PLAGL1: variants seen among roughly 807,000 people sequenced by gnomAD.
The protein encoded by PLAGL1 is zinc finger protein PLAGL1.
Under a neutral mutation model 4.6 loss-of-function variants are expected in PLAGL1, and 1 was observed. The ratio of observed to expected loss-of-function variants is 0.22; its 90% CI spans 0.08 to 1.03. The LOEUF is 1.03. PLAGL1 is among the 50% of genes least tolerant of loss of function. PLAGL1 has a pLI of 0.58. For missense variants in PLAGL1, 464 were observed against 570.4 expected (o/e 0.81, Z 1.90); for synonymous variants, 240 against 237.8 (o/e 1.01, Z -0.08).
rs910531889 is a variant in PLAGL1, at chr6:143,989,704, C to A, written c.-583-4530G>T. ...TTGTAATCAATCTCTCTTTCTCTCT[C>A]CATATATGTATCCATGGGTAAACAT... On this transcript the variant is annotated intron_variant, in intron 1 of 7. Coordinates refer to ENST00000674357, the MANE Select transcript of PLAGL1 (RefSeq NM_001317162.2). This position sits in a 1 kb window ranked among gnomAD's most constrained non-coding sequence, Gnocchi z 4.8. 2.0e-5 allele frequency among the ~76,000 whole-genome samples: 3 copies of A among 152,210 alleles called. No individual in the cohort carries two copies. The highest frequency in any genetic ancestry group is 4.4e-5 in the Non-Finnish European group (3 of 68,042).
At position 143,977,152 on chromosome 6, in the gene PLAGL1, A is replaced by T. The variant is rs114845409; in HGVS notation, c.-544+7983T>A. 3.9e-3 allele frequency among the ~76,000 whole-genome samples: 577 copies of T among 149,330 alleles called. 5 individuals carry two copies. The highest frequency in any genetic ancestry group is 0.014 in the African/African-American group (557 of 40,774). ...CCACTAGAGTGGTACATTTGTTACAACTGATAAACTTCCATTGACACATCA... is the reference window on the plus strand; with the variant it reads ...CCACTAGAGTGGTACATTTGTTACATCTGATAAACTTCCATTGACACATCA... On this transcript the variant is annotated intron_variant, in intron 2 of 7. Transcript: ENST00000674357.
upstream of PLAGL1, among the ~76,000 whole-genome samples, chr6:144,010,957 A>G (rs1393583487): frequency 6.6e-6 from 1 of 152,244 alleles, no homozygotes; most frequent in African/African-American, 2.4e-5. This position sits in a 1 kb window ranked among gnomAD's most constrained non-coding sequence, Gnocchi z 4.1. Context: ...AAATTAACTC[A>G]AGATGGACTA....
intron 1 of PLAGL1, among the ~76,000 whole-genome samples, chr6:144,018,780 T>C (rs1273966951): frequency 2.0e-5 from 3 of 152,226 alleles, no homozygotes; most frequent in African/African-American, 4.8e-5. Flanking sequence ...TAATGTGATA[T>C]ACTGATCAAG....
In PLAGL1 at chr6:144,056,616, C is replaced by A. The variant is rs1481577832; in HGVS notation, c.-151+7852G>T. Among the ~76,000 whole-genome samples, 1 of 152,126 alleles carries A rather than the reference C, an allele frequency of 6.6e-6. No individual in the cohort carries two copies. Among genetic ancestry groups the A allele is most frequent in the Non-Finnish European group, 1.5e-5 (1 of 68,030 alleles). ...TTGGCTTCTTTCACTTAGTAATATG[C>A]ATTTAAGATTCCTCCATGTCCTTTC... On this transcript the variant is annotated intron_variant, in intron 1 of 3. Transcript: ENST00000437412. This position sits in a 1 kb window ranked among gnomAD's most constrained non-coding sequence, Gnocchi z 4.7.
chr6:144,054,150 TAA>T (rs1798772524), intron 1 of PLAGL1, among the ~76,000 whole-genome samples: 1 of 152,046 alleles, frequency 6.6e-6, no homozygotes, highest in Admixed American at 6.6e-5. Flanking sequence ...TATGCTCACT[TAA>T]CAAACAATAC....
In PLAGL1 at chr6:143,954,241, A is replaced by G. The variant is rs1781647436; in HGVS notation, c.-324-5781T>C. Among the ~76,000 whole-genome samples the G allele has an allele frequency of 6.6e-6, 1 of 152,232 alleles. No homozygotes were observed. Among genetic ancestry groups the G allele is most frequent in the Non-Finnish European group, 1.5e-5 (1 of 68,042 alleles). ...ACAAATTAGTAGGCCAAGGATCACCAGAAATCAGAGGAAGGCACTTAATAG... is the reference window on the plus strand; with the variant it reads ...ACAAATTAGTAGGCCAAGGATCACCGGAAATCAGAGGAAGGCACTTAATAG... On this transcript the variant is annotated intron_variant, in intron 6 of 7. Transcript: ENST00000674357. The surrounding 1 kb of genome is among the most constrained non-coding windows in gnomAD (Gnocchi z 5.1).
In PLAGL1 at chr6:143,984,789, C is replaced by T. The variant is rs1467775387; in HGVS notation, c.-544+346G>A. ...CATAGACTATTTAAAAACAAAGATA[C>T]ATAAATATGTTTTGGAGGAAGACTA... is the stretch of plus-strand genomic sequence containing the variant. On this transcript the variant is annotated intron_variant, in intron 2 of 7. Coordinates refer to ENST00000674357, the MANE Select transcript of PLAGL1 (RefSeq NM_001317162.2). This position sits in a 1 kb window ranked among gnomAD's most constrained non-coding sequence, Gnocchi z 5.5. Among the ~76,000 whole-genome samples the T allele has an allele frequency of 6.6e-6, 1 of 152,118 alleles. No individual in the cohort carries two copies.
chr6:144,043,229 G>A (rs1053115834), intron 1 of PLAGL1, among the ~76,000 whole-genome samples: 5 of 152,222 alleles, frequency 3.3e-5, no homozygotes, highest in Admixed American at 1.3e-4. Context: ...GAAGTGGTGA[G>A]AGAGGGCATC....
intron 1 of PLAGL1, among the ~76,000 whole-genome samples, chr6:144,058,702 C>G (rs1423207668): frequency 1.3e-5 from 2 of 152,186 alleles, no homozygotes; most frequent in Non-Finnish European, 1.5e-5. Flanking sequence ...AATTTTCATG[C>G]AAGTCTGAAA....
intron 1 of PLAGL1, among the ~76,000 whole-genome samples, chr6:144,044,203 T>C (rs1355482464): frequency 1.3e-5 from 2 of 152,212 alleles, no homozygotes; most frequent in African/African-American, 4.8e-5. Flanking sequence ...TCTTAGTTAT[T>C]TCTTGCCTTC....
rs139224527 is a variant in PLAGL1, at chr6:144,004,031, A to G, written c.-584+4059T>C. On this transcript the variant is annotated intron_variant, in intron 1 of 7. Coordinates refer to ENST00000674357, the MANE Select transcript of PLAGL1 (RefSeq NM_001317162.2). The surrounding 1 kb of genome is among the most constrained non-coding windows in gnomAD (Gnocchi z 4.2). ...GAAAATGAATAAGTAAATTGCTCAT[A>G]TTATATATCCACATAATGTAATACC... Among the ~76,000 whole-genome samples the G allele has an allele frequency of 2.2e-3, 328 of 152,352 alleles. 2 individuals are homozygous for G. The highest frequency in any genetic ancestry group is 7.7e-3 in the African/African-American group (321 of 41,586).
intron 1 of PLAGL1, among the ~76,000 whole-genome samples, chr6:144,062,912 T>C (rs1186681694): frequency 1.3e-5 from 2 of 152,210 alleles, no homozygotes; most frequent in Non-Finnish European, 2.9e-5. Flanking sequence ...GGCTCTTAAT[T>C]TGCTTGCAGG....
rs964027308 is a variant in PLAGL1 at position 144,048,301 on chromosome 6, GAC to G, written c.-151+16165_-151+16166del. On this transcript the variant is annotated intron_variant, in intron 1 of 3. Transcript: ENST00000437412. This position sits in a 1 kb window ranked among gnomAD's most constrained non-coding sequence, Gnocchi z 4.8. ...GGATCTAGCATTCTGGGATCTGGAG[GAC>G]AGTGGCCCTCTTCTCACAGCTCCAT... Among the ~76,000 whole-genome samples, 9 of 152,198 alleles carry G rather than the reference GAC, an allele frequency of 5.9e-5. No individual in the cohort carries two copies. Among genetic ancestry groups the G allele is most frequent in the Non-Finnish European group, 2.9e-5 (2 of 68,028 alleles).
At position 144,053,989 on chromosome 6, in the gene PLAGL1, T is replaced by G. The variant is rs1053608237; in HGVS notation, c.-151+10479A>C. On this transcript the variant is annotated intron_variant, in intron 1 of 3. Transcript: ENST00000437412. The surrounding 1 kb of genome is among the most constrained non-coding windows in gnomAD (Gnocchi z 4.0). Reference sequence around the variant, plus strand: ...AAATCCATCAGGAAAGGGATATTCATTTCTCTATATGGTCTAACAAATGAT... The same window carrying G: ...AAATCCATCAGGAAAGGGATATTCAGTTCTCTATATGGTCTAACAAATGAT... Among the ~76,000 whole-genome samples the G allele has an allele frequency of 3.3e-5, 5 of 152,222 alleles. No homozygotes were observed. Among genetic ancestry groups the G allele is most frequent in the Non-Finnish European group, 7.3e-5 (5 of 68,032 alleles).
rs1347765365 is a variant in PLAGL1, at chr6:144,039,863, G to C, written c.-151+24605C>G. The stretch of plus-strand genomic sequence containing the variant: ...CTTTGTAGTAGCAAAAGGCCAAAAG[G>C]TCTATCAACAAGAAAATTAATACAT... On this transcript the variant is annotated intron_variant, in intron 1 of 3. Coordinates refer to the PLAGL1 transcript ENST00000437412. This position sits in a 1 kb window ranked among gnomAD's most constrained non-coding sequence, Gnocchi z 4.1. Among the ~76,000 whole-genome samples the C allele has an allele frequency of 1.3e-5, 2 of 152,174 alleles. No individual in the cohort carries two copies. The highest frequency in any genetic ancestry group is 1.9e-4 in the East Asian group (1 of 5,180).
rs186677017 is a variant in PLAGL1, at chr6:143,970,607, G to A, written c.-543-1629C>T. Among the ~76,000 whole-genome samples, 22 of 152,256 alleles carry A rather than the reference G, an allele frequency of 1.4e-4. No homozygotes were observed. The highest frequency in any genetic ancestry group is 1.3e-3 in the Admixed American group (20 of 15,284). On this transcript the variant is annotated intron_variant, in intron 2 of 7. Coordinates refer to ENST00000674357, the MANE Select transcript of PLAGL1 (RefSeq NM_001317162.2). This position sits in a 1 kb window ranked among gnomAD's most constrained non-coding sequence, Gnocchi z 5.8. ...GCTGCTTTATTTGGTCAGTCTGGGTGGACGGGAAACTGTCTAAGAGGGAAA... is the reference window on the plus strand; with the variant it reads ...GCTGCTTTATTTGGTCAGTCTGGGTAGACGGGAAACTGTCTAAGAGGGAAA...
intron 2 of PLAGL1, among the ~76,000 whole-genome samples, chr6:143,977,091 C>CT (rs1026749194): frequency 2.7e-5 from 4 of 148,886 alleles, no homozygotes; most frequent in Admixed American, 6.7e-5. Context: ...CTTCCCCCCC[C>CT]CCAACACACT....
At chr6:144,017,524 C>T (rs1795647686) in intron 1 of PLAGL1, among the ~76,000 whole-genome samples, 1 of 152,180 alleles carries the variant, frequency 6.6e-6, no homozygotes, top group Admixed American at 6.5e-5. Context: ...CTAAAATGTC[C>T]TACTTTACGT....
chr6:144,029,553 C>T (rs1458799024), intron 1 of PLAGL1, among the ~76,000 whole-genome samples: 1 of 152,248 alleles, frequency 6.6e-6, no homozygotes, highest in South Asian at 2.1e-4. Context: ...TTAAAAGATA[C>T]TCCTCATCAT....
Sources: allele counts gnomAD v4.1 joint callset (sites outside exome capture counted in the v4.1 genomes callset), GRCh38; gene constraint gnomAD v4.1.1; non-coding constraint Gnocchi (gnomAD v3.1); transcripts MANE v1.5; gene names NCBI Gene and HGNC (gene_info 2026-07-23, HGNC 2026-07-21).